The following RIMS4 variants were observed in gnomAD, a reference collection of about 807,000 sequenced individuals.
RIMS4 encodes regulating synaptic membrane exocytosis 4, also known as regulating synaptic membrane exocytosis protein 4.
Under a neutral mutation model 29.0 loss-of-function variants are expected in RIMS4, and 9 were observed. That is an observed-to-expected ratio of 0.31 (90% confidence interval 0.19 to 0.54). RIMS4 has a LOEUF of 0.54. Among genes scored for constraint, RIMS4 ranks in the 20% least tolerant of loss-of-function variants. The probability of loss-of-function intolerance (pLI) is 0.94; values close to 1 mark genes in which losing one functional copy is unlikely to be tolerated. For synonymous variants in RIMS4, 130 were observed against 152.9 expected, an observed-to-expected ratio of 0.85 and a Z score of 1.10; for missense variants, 193 against 365.7, an observed-to-expected ratio of 0.53 and a Z score of 3.85.
chr20:44,801,107 C>T (rs2066275759), intron 1 of RIMS4, among the ~76,000 whole-genome samples: 1 of 152,234 alleles, frequency 6.6e-6, no homozygotes, highest in Non-Finnish European at 1.5e-5. Flanking sequence ...AGATCAGTTA[C>T]ATACCACAGT....
chr20:44,798,367 G>A (rs2066263559), intron 1 of RIMS4, among the ~76,000 whole-genome samples: 1 of 152,262 alleles, frequency 6.6e-6, no homozygotes. Flanking sequence ...GGCCAAGTCA[G>A]AAGTCCATCC....
At chr20:44,796,215 C>T (rs2066254484) in intron 1 of RIMS4, among the ~76,000 whole-genome samples, 1 of 151,988 alleles carries the variant, frequency 6.6e-6, no homozygotes. Flanking sequence ...TTCCCAGCAC[C>T]CTGTACTTGT....
At chr20:44,789,481 A>G (rs1476649968) in intron 1 of RIMS4, among the ~76,000 whole-genome samples, 3 of 152,016 alleles carry the variant, frequency 2.0e-5, no homozygotes, top group Non-Finnish European at 4.4e-5. Context: ...TATTTTTAGT[A>G]GAGACAGGGT....
chr20:44,794,548 G>A (rs922240973), intron 1 of RIMS4, among the ~76,000 whole-genome samples: 1 of 152,176 alleles, frequency 6.6e-6, no homozygotes, highest in East Asian at 1.9e-4. Flanking sequence ...ATATAAAGCC[G>A]GCATTTTAAA....
At chr20:44,774,607 ACCTTG>A (rs1237661988) in intron 1 of RIMS4, among the ~76,000 whole-genome samples, 3 of 152,006 alleles carry the variant, frequency 2.0e-5, no homozygotes, top group African/African-American at 7.3e-5. Flanking sequence ...CTATTGTGGG[ACCTTG>A]CCTTGTAATC....
chr20:44,783,457 T>C (rs2066193761), intron 1 of RIMS4, among the ~76,000 whole-genome samples: 3 of 152,118 alleles, frequency 2.0e-5, no homozygotes, highest in African/African-American at 4.8e-5. Context: ...ACACTGTCTC[T>C]ACTAAAAATA....
At chr20:44,763,821 T>A (rs2066096282) in intron 2 of RIMS4, among the ~76,000 whole-genome samples, 2 of 152,192 alleles carry the variant, frequency 1.3e-5, no homozygotes, top group African/African-American at 4.8e-5. Flanking sequence ...TCCAGATGGA[T>A]CACTCGTCTC....
chr20:44,793,252 T>C (rs771403702), intron 1 of RIMS4, among the ~76,000 whole-genome samples: 2 of 152,210 alleles, frequency 1.3e-5, no homozygotes, highest in African/African-American at 2.4e-5. Flanking sequence ...GAGGACTTCA[T>C]ACTTATTCTA....
intron 1 of RIMS4, among the ~76,000 whole-genome samples, chr20:44,790,339 C>T (rs2066227581): frequency 6.6e-6 from 1 of 152,182 alleles, no homozygotes; most frequent in South Asian, 2.1e-4. Flanking sequence ...TGAAGGCATG[C>T]TCTGGCCAGG....
intron 1 of RIMS4, among the ~76,000 whole-genome samples, chr20:44,805,595 G>C (rs913638889): frequency 6.6e-6 from 1 of 151,116 alleles, no homozygotes; most frequent in Non-Finnish European, 1.5e-5. Flanking sequence ...ATATTTTAAG[G>C]CCTCCTCCCT....
At chr20:44,757,872 C>T in intron 3 of RIMS4, 101 bp from the exon 4 acceptor site, 2 of 1,134,638 alleles carry the variant, frequency 1.8e-6, no homozygotes, top group Admixed American at 1.8e-5. Flanking sequence ...CCTTCCCCTG[C>T]TCCCAGCCCA....
At chr20:44,778,893 A>C (rs1289342157) in intron 1 of RIMS4, among the ~76,000 whole-genome samples, 1 of 152,118 alleles carries the variant, frequency 6.6e-6, no homozygotes, top group Admixed American at 6.5e-5. Flanking sequence ...CTCTATGCTA[A>C]CTGGTGTCCA....
At chr20:44,774,984 C>G (rs575550917) in intron 1 of RIMS4, among the ~76,000 whole-genome samples, 1 of 152,130 alleles carries the variant, frequency 6.6e-6, no homozygotes, top group African/African-American at 2.4e-5. Flanking sequence ...TCCAGCCCAT[C>G]GATCCATCAG....
chr20:44,771,158 G>T, intron 2 of RIMS4, 117 bp downstream of exon 2: 2 of 1,210,484 alleles, frequency 1.7e-6, no homozygotes, highest in Non-Finnish European at 2.2e-6. Context: ...GGAGCCCTGA[G>T]CTGGCGCTTT....
intron 3 of RIMS4, 42 bp downstream of exon 3, chr20:44,758,030 C>T: frequency 7.1e-7 from 1 of 1,415,820 alleles, no homozygotes; most frequent in East Asian, 2.3e-5. Context: ...GTGTGACACC[C>T]AACTCCCCTA....
chr20:44,802,201 C>T (rs1041835830), intron 1 of RIMS4, among the ~76,000 whole-genome samples: 2 of 152,102 alleles, frequency 1.3e-5, no homozygotes, highest in Non-Finnish European at 1.5e-5. Context: ...TACTATGTGC[C>T]GAGGGTTAAA....
At chr20:44,794,727 G>A (rs1281202480) in intron 1 of RIMS4, among the ~76,000 whole-genome samples, 4 of 152,150 alleles carry the variant, frequency 2.6e-5, no homozygotes, top group African/African-American at 9.7e-5. Flanking sequence ...GTGCCACACT[G>A]CTGACTTTTT....
chr20:44,807,098 C>T (rs1033330634), intron 1 of RIMS4, among the ~76,000 whole-genome samples: 1 of 152,090 alleles, frequency 6.6e-6, no homozygotes, highest in African/African-American at 2.4e-5. Flanking sequence ...CACAAAAAAA[C>T]GCCTCCAAGC....
At chr20:44,764,865 T>C (rs1241848110) in intron 2 of RIMS4, among the ~76,000 whole-genome samples, 1 of 152,222 alleles carries the variant, frequency 6.6e-6, no homozygotes, top group Non-Finnish European at 1.5e-5. Context: ...GGATATACCA[T>C]ATCATACAAT....
Sources: gnomAD v4.1 joint callset for allele counts (sites outside exome capture counted in the v4.1 genomes callset) on GRCh38, gnomAD v4.1.1 for gene constraint, MANE v1.5 for transcripts, NCBI Gene and HGNC (gene_info 2026-07-23, HGNC 2026-07-21) for gene names.